Variants in CEMIP observed in about 807,000 individuals in gnomAD.
CEMIP encodes cell migration inducing hyaluronidase 1.
A neutral mutation model predicts 156.9 loss-of-function variants in CEMIP; 105 were observed. The ratio of observed to expected loss-of-function variants is 0.67; its 90% CI spans 0.57 to 0.79. CEMIP has a LOEUF of 0.79. Among genes scored for constraint, CEMIP ranks in the 30% least tolerant of loss-of-function variants. CEMIP has a pLI of 0.00. For synonymous variants in CEMIP, 676 were observed against 668.4 expected, an observed-to-expected ratio of 1.01 and a Z score of -0.17; for missense variants, 1,457 against 1,769.4, an observed-to-expected ratio of 0.82 and a Z score of 3.17.
rs746899531 is a variant in CEMIP, at chr15:80,942,911, C to A, written c.3700-34C>A. Reference sequence around the variant, plus strand: ...CAGGAGAACCATGGGGCCTTGGCACCCTGCCTCACACCTGGATTGCTCTGG... The same window carrying A: ...CAGGAGAACCATGGGGCCTTGGCACACTGCCTCACACCTGGATTGCTCTGG... On this transcript the variant is annotated intron_variant, in intron 27 of 29. Coordinates refer to ENST00000394685, the MANE Select transcript of CEMIP (RefSeq NM_001293298.2). 5.6e-6 allele frequency: 9 copies of A among 1,614,008 alleles called. No homozygotes were observed. In the South Asian group the frequency reaches 9.9e-5, roughly 18 times the overall value.
At chr15:80,892,749 C>G (rs1899073559) in intron 10 of CEMIP, among the ~76,000 whole-genome samples, 1 of 152,184 alleles carries the variant, frequency 6.6e-6, no homozygotes, top group Admixed American at 6.5e-5. Context: ...CCCTGGGTAC[C>G]TCACTCACAG....
intron 1 of CEMIP, among the ~76,000 whole-genome samples, chr15:80,838,651 C>A (rs896618288): frequency 6.6e-6 from 1 of 152,146 alleles, no homozygotes; most frequent in Non-Finnish European, 1.5e-5. Flanking sequence ...TGATAAAACC[C>A]CCCGTGTGAT....
intron 1 of CEMIP, among the ~76,000 whole-genome samples, chr15:80,808,789 A>G (rs925890478): frequency 2.1e-5 from 3 of 144,976 alleles, no homozygotes; most frequent in African/African-American, 8.0e-5. Context: ...GGGAAGCCAA[A>G]AAAAAAAAAA....
intron 1 of CEMIP, among the ~76,000 whole-genome samples, chr15:80,780,330 TTG>T (rs1895758122): frequency 6.6e-6 from 1 of 152,072 alleles, no homozygotes; most frequent in South Asian, 2.1e-4. Flanking sequence ...TCGCGTTAGG[TTG>T]TGAGGAAAGG....
At chr15:80,815,154 A>G (rs1290074544) in intron 1 of CEMIP, among the ~76,000 whole-genome samples, 1 of 152,176 alleles carries the variant, frequency 6.6e-6, no homozygotes, top group Non-Finnish European at 1.5e-5. Flanking sequence ...TAGAGAAGCC[A>G]CTGGCCAGGA....
At chr15:80,864,657 C>T (rs774418726) in intron 1 of CEMIP, among the ~76,000 whole-genome samples, 3 of 152,202 alleles carry the variant, frequency 2.0e-5, no homozygotes, top group East Asian at 1.9e-4. Context: ...CTACACATAC[C>T]GCCCTTAAGT....
chr15:80,882,963 T>C lies in CEMIP; in HGVS notation c.618-1212T>C, dbSNP rs537580857. 3.0e-4 allele frequency among the ~76,000 whole-genome samples: 45 copies of C among 152,186 alleles called. 1 individual carries two copies. In the South Asian group the frequency reaches 8.1e-3, roughly 27 times the overall value. ...CACTGGGCACTGAGAAGCACTAGGC[T>C]TGCAGCAGGAGCTTCCTGGGGAGGG... On this transcript the variant is annotated intron_variant, in intron 6 of 29. Coordinates refer to ENST00000394685, the MANE Select transcript of CEMIP (RefSeq NM_001293298.2).
chr15:80,859,921 T>C (rs1897944140), intron 1 of CEMIP, among the ~76,000 whole-genome samples: 1 of 152,196 alleles, frequency 6.6e-6, no homozygotes, highest in African/African-American at 2.4e-5. Context: ...TACTGAGTCC[T>C]GCCCCAGATC....
At chr15:80,818,876 G>A (rs1350626558) in intron 1 of CEMIP, among the ~76,000 whole-genome samples, 1 of 152,222 alleles carries the variant, frequency 6.6e-6, no homozygotes, top group Non-Finnish European at 1.5e-5. Context: ...GCATCGCTCA[G>A]AGGGCTTCAC....
At chr15:80,893,194 T>TAAATGAAATG (rs148655030) in intron 10 of CEMIP, among the ~76,000 whole-genome samples, 2 of 151,862 alleles carry the variant, frequency 1.3e-5, no homozygotes, top group Non-Finnish European at 2.9e-5. Flanking sequence ...AATAAATAAA[T>TAAATGAAATG]AAATGAAATG....
chr15:80,798,246 C>T (rs558088633), intron 1 of CEMIP, among the ~76,000 whole-genome samples: 4 of 152,160 alleles, frequency 2.6e-5, no homozygotes, highest in South Asian at 2.1e-4. Context: ...TTTTACATAA[C>T]GTTGATAGAA....
intron 1 of CEMIP, among the ~76,000 whole-genome samples, chr15:80,818,164 A>T (rs777893056): frequency 1.3e-5 from 2 of 152,210 alleles, no homozygotes; most frequent in African/African-American, 4.8e-5. Flanking sequence ...ACTCATGTTC[A>T]TGTCCAATGT....
intron 1 of CEMIP, among the ~76,000 whole-genome samples, chr15:80,797,105 T>C (rs2141592993): frequency 6.6e-6 from 1 of 152,220 alleles, no homozygotes; most frequent in South Asian, 2.1e-4. Flanking sequence ...GTTGGAAAGG[T>C]TCGTGTGACA....
intron 1 of CEMIP, among the ~76,000 whole-genome samples, chr15:80,851,054 C>T (rs1897704720): frequency 6.6e-6 from 1 of 152,202 alleles, no homozygotes; most frequent in South Asian, 2.1e-4. Flanking sequence ...TGGGAAGCAA[C>T]TCATTGGTCT....
At chr15:80,923,289 G>A (rs1005895988) in intron 17 of CEMIP, among the ~76,000 whole-genome samples, 1 of 152,174 alleles carries the variant, frequency 6.6e-6, no homozygotes, top group Non-Finnish European at 1.5e-5. Flanking sequence ...GGGTAACAGA[G>A]AGGGCATTTC....
At chr15:80,912,951 C>G (rs551749939) in intron 14 of CEMIP, among the ~76,000 whole-genome samples, 30 of 152,240 alleles carry the variant, frequency 2.0e-4, no homozygotes, top group South Asian at 6.2e-4. Context: ...ATCACAGAAG[C>G]CTTTTTCCTA....
intron 1 of CEMIP, among the ~76,000 whole-genome samples, chr15:80,849,223 G>T (rs1367967685): frequency 6.6e-6 from 1 of 151,852 alleles, no homozygotes; most frequent in East Asian, 1.9e-4. Flanking sequence ...GACCTCAAGT[G>T]CTGCCTTGGC....
chr15:80,782,992 C>T (rs373167372), intron 1 of CEMIP, among the ~76,000 whole-genome samples: 76 of 152,282 alleles, frequency 5.0e-4, no homozygotes, highest in Admixed American at 2.2e-3. Context: ...GTGGTAGAAA[C>T]GAGCTCTTCA....
intron 28 of CEMIP, among the ~76,000 whole-genome samples, chr15:80,944,956 T>C (rs922688630): frequency 2.0e-5 from 3 of 152,142 alleles, no homozygotes; most frequent in African/African-American, 4.8e-5. Context: ...CAGGCAGGCA[T>C]TGGTACCACT....
Sources: allele counts gnomAD v4.1 joint callset (sites outside exome capture counted in the v4.1 genomes callset), GRCh38; gene constraint gnomAD v4.1.1; transcripts MANE v1.5; gene names NCBI Gene and HGNC (gene_info 2026-07-23, HGNC 2026-07-21).